Variants in SAMHD1 observed in about 807,000 individuals in gnomAD.
SAMHD1 encodes the protein deoxynucleoside triphosphate triphosphohydrolase SAMHD1.
In SAMHD1, 54 loss-of-function variants were observed where a neutral mutation model predicts 79.6. That is an observed-to-expected ratio of 0.68 (90% CI 0.55 to 0.85). The LOEUF (loss-of-function observed/expected upper bound fraction) is 0.85. Ranked by LOEUF, SAMHD1 falls within the 40% of genes least tolerant of loss-of-function variation. SAMHD1 has a pLI of 0.00. For missense variants in SAMHD1, 663 were observed against 782.7 expected, an observed-to-expected ratio of 0.85 and a Z score of 1.82; for synonymous variants, 260 against 264.1, an observed-to-expected ratio of 0.98 and a Z score of 0.15.
intron 15 of SAMHD1, among the ~76,000 whole-genome samples, chr20:36,897,342 C>A (rs1270793727): frequency 6.6e-6 from 1 of 152,126 alleles, no homozygotes; most frequent in African/African-American, 2.4e-5. Context: ...ATTTTAACAA[C>A]CTTCTCTACA....
chr20:36,912,985 TC>T (rs1330944290), intron 9 of SAMHD1, among the ~76,000 whole-genome samples: 2 of 142,816 alleles, frequency 1.4e-5, no homozygotes, highest in African/African-American at 2.7e-5. Context: ...TCATTCTTTT[TC>T]TTTTCTTTCT....
At chr20:36,912,679 C>A in intron 9 of SAMHD1, 127 bp from the exon 10 acceptor site, 13 of 626,800 alleles carry the variant, frequency 2.1e-5, no homozygotes, top group East Asian at 3.2e-5. Context: ...GGGGCTTCTT[C>A]ATTAACACCT....
intron 13 of SAMHD1, among the ~76,000 whole-genome samples, chr20:36,900,785 G>A (rs1158778192): frequency 6.8e-6 from 1 of 147,932 alleles, no homozygotes; most frequent in African/African-American, 2.5e-5. Flanking sequence ...TGTTGGCCAG[G>A]ATGGTCTCGA....
chr20:36,930,818 C>T lies in SAMHD1; in HGVS notation c.567G>A (p.Leu189=), dbSNP rs947611800. 17 of 1,613,940 alleles carry T rather than the reference C, an allele frequency of 1.1e-5. No homozygotes were observed. Among genetic ancestry groups the T allele is most frequent in the Non-Finnish European group, 1.4e-5 (17 of 1,180,004 alleles). Residue 189 remains leucine, a synonymous_variant, in exon 5 of 16, where the codon CTG becomes CTA. Coordinates refer to ENST00000646673, the MANE Select transcript of SAMHD1 (RefSeq NM_015474.4). ...VHALGEKQPE[L]QISERDVLCV... The stretch of plus-strand genomic sequence containing the variant: ...AGAGAACATCTCGTTCACTTATCTG[C>T]AGCTCTGGTTGTTTTTCACCCAGTG...
chr20:36,949,293 T>A lies in SAMHD1; in HGVS notation c.208+2143A>T, dbSNP rs1024307290. Among the ~76,000 whole-genome samples, 42 of 149,736 alleles carry A rather than the reference T, an allele frequency of 2.8e-4. 1 individual carries two copies. The highest frequency in any genetic ancestry group is 9.8e-4 in the African/African-American group (40 of 40,678). On this transcript the variant is annotated intron_variant, in intron 1 of 15. Transcript: ENST00000646673. ...AAAAAATAAAATAATAAAATAAATT[T>A]TAAAAAATAATCAAACAGAGGCCCA...
chr20:36,944,151 T>C (rs1036236187), intron 2 of SAMHD1, among the ~76,000 whole-genome samples: 7 of 138,460 alleles, frequency 5.1e-5, no homozygotes, highest in African/African-American at 1.6e-4. Flanking sequence ...ATTGAGACCA[T>C]CCTGGCTAAC....
intron 9 of SAMHD1, among the ~76,000 whole-genome samples, chr20:36,914,142 C>T (rs2063461416): frequency 6.6e-6 from 1 of 151,426 alleles, no homozygotes; most frequent in Admixed American, 6.6e-5. Context: ...AGCTGTTTAA[C>T]TACAGTTGAC....
chr20:36,897,731 TA>T (rs1306387828), intron 15 of SAMHD1, 90 bp downstream of exon 15: 2 of 1,434,992 alleles, frequency 1.4e-6, no homozygotes, highest in Non-Finnish European at 2.0e-6. Context: ...GACTATAACT[TA>T]AATGGGAACT....
At chr20:36,912,388 G>A (rs1215737831) in intron 10 of SAMHD1, 73 bp downstream of exon 10, 1 of 885,036 alleles carries the variant, frequency 1.1e-6, no homozygotes, top group South Asian at 1.4e-5. Context: ...GAAATGTCTA[G>A]TTGAGCCTAG....
intron 11 of SAMHD1, among the ~76,000 whole-genome samples, chr20:36,908,929 G>A (rs1050601618): frequency 4.6e-5 from 7 of 151,936 alleles, no homozygotes; most frequent in Non-Finnish European, 8.8e-5. Flanking sequence ...CTATGTGATT[G>A]CTTTCCAATT....
intron 11 of SAMHD1, 66 bp from the exon 12 acceptor site, chr20:36,905,569 C>A: frequency 7.5e-7 from 1 of 1,333,234 alleles, no homozygotes; most frequent in East Asian, 2.3e-5. Context: ...TTATATAGTG[C>A]TATTCTATTG....
chr20:36,947,666 CTATTTTCTTT>C (rs1278120533), intron 1 of SAMHD1, among the ~76,000 whole-genome samples: 6 of 151,302 alleles, frequency 4.0e-5, no homozygotes, highest in South Asian at 2.1e-4. Flanking sequence ...GAACTCTGGA[CTATTTTCTTT>C]TATTTTCTTT....
chr20:36,894,793 T>C (rs1008227843), intron 15 of SAMHD1, among the ~76,000 whole-genome samples: 3 of 151,960 alleles, frequency 2.0e-5, no homozygotes, highest in African/African-American at 7.2e-5. Flanking sequence ...ATTGTCATGA[T>C]ACTTGTACTT....
intron 1 of SAMHD1, among the ~76,000 whole-genome samples, chr20:36,947,661 C>G (rs1443441069): frequency 6.6e-6 from 1 of 151,438 alleles, no homozygotes; most frequent in Non-Finnish European, 1.5e-5. Context: ...TTCCAGAACT[C>G]TGGACTATTT....
In SAMHD1 at chr20:36,897,843, G is replaced by C. The variant is rs1448113794; in HGVS notation, c.1725C>G (p.Asp575Glu). 6.2e-7 allele frequency: 1 copy of C among 1,614,198 alleles called. No individual in the cohort carries two copies. Among genetic ancestry groups the C allele is most frequent in the Non-Finnish European group, 8.5e-7 (1 of 1,180,028 alleles). ...ARQYFVQWCA[D>E]RNFTKPQDGD... ...CTACCTGCGGCTTGGTGAAATTTCT[G>C]TCTGCACACCACTGAACAAAATATT... The change falls in exon 15 of 16, where the codon GAC becomes GAG. Residue 575 changes from aspartate (D) to glutamate (E), a missense_variant. Physicochemically the swap from Asp to Glu is conservative, Grantham distance 45 (BLOSUM62 2). Transcript: ENST00000646673.
At chr20:36,920,658 G>A (rs908265226) in intron 6 of SAMHD1, among the ~76,000 whole-genome samples, 1 of 152,018 alleles carries the variant, frequency 6.6e-6, no homozygotes, top group Non-Finnish European at 1.5e-5. Context: ...AGCTACTTGG[G>A]GGACTGAGGC....
intron 9 of SAMHD1, chr20:36,916,465 C>CA (rs561309922): frequency 0.03 from 9,624 of 324,428 alleles, 12 homozygotes; most frequent in East Asian, 0.041. Flanking sequence ...GATCCTATTT[C>CA]AAAAAAAAAA....
intron 9 of SAMHD1, among the ~76,000 whole-genome samples, chr20:36,914,854 A>AG (rs2063466014): frequency 6.7e-6 from 1 of 149,636 alleles, no homozygotes; most frequent in African/African-American, 2.5e-5. Flanking sequence ...AAAAAAAAAA[A>AG]TAGAAAAATT....
At chr20:36,910,566 C>T (rs2063432591) in intron 11 of SAMHD1, among the ~76,000 whole-genome samples, 1 of 151,588 alleles carries the variant, frequency 6.6e-6, no homozygotes, top group African/African-American at 2.4e-5. Context: ...CCTGTCTCTA[C>T]TAAAAATACA....
Sources: allele counts gnomAD v4.1 joint callset (sites outside exome capture counted in the v4.1 genomes callset), GRCh38; gene constraint gnomAD v4.1.1; transcripts MANE v1.5; gene names NCBI Gene and HGNC (gene_info 2026-07-23, HGNC 2026-07-21).